SUMF1: variants seen among roughly 807,000 people sequenced by gnomAD.
The protein encoded by SUMF1 is sulfatase modifying factor 1, also known as formylglycine-generating enzyme.
In SUMF1, 48 loss-of-function variants were observed where a neutral mutation model predicts 47.6. The observed-to-expected ratio is 1.01, with a 90% CI of 0.80 to 1.28. The LOEUF (loss-of-function observed/expected upper bound fraction) is 1.28. SUMF1 is among the 50% of genes most tolerant of loss of function. The pLI is 0.00. For missense variants in SUMF1, 571 were observed against 485.4 expected, an observed-to-expected ratio of 1.18 and a Z score of -1.66; for synonymous variants, 230 against 192.1, an observed-to-expected ratio of 1.20 and a Z score of -1.63.
intron 8 of SUMF1, among the ~76,000 whole-genome samples, chr3:4,122,656 G>T (rs1405986901): frequency 6.6e-6 from 1 of 152,192 alleles, no homozygotes; most frequent in African/African-American, 2.4e-5. Flanking sequence ...AAGTCCTCAT[G>T]GCAGACATGG....
chr3:4,351,577 T>A (rs989933537), intron 8 of SUMF1, among the ~76,000 whole-genome samples: 1 of 152,190 alleles, frequency 6.6e-6, no homozygotes, highest in Non-Finnish European at 1.5e-5. Context: ...CTTTTGATCA[T>A]GTTTTCCAGT....
At chr3:4,224,832 T>C (rs1295159240) in intron 8 of SUMF1, among the ~76,000 whole-genome samples, 1 of 152,064 alleles carries the variant, frequency 6.6e-6, no homozygotes, top group East Asian at 1.9e-4. Flanking sequence ...GAATGAGAGA[T>C]AAGCAGGGAA....
intron 8 of SUMF1, among the ~76,000 whole-genome samples, chr3:4,244,818 C>G (rs948803123): frequency 2.6e-5 from 4 of 152,098 alleles, no homozygotes; most frequent in South Asian, 4.2e-4. Flanking sequence ...GGGAAGTTCT[C>G]CTGGATAATA....
chr3:4,353,151 A>G (rs1273308037), intron 8 of SUMF1, among the ~76,000 whole-genome samples: 1 of 152,254 alleles, frequency 6.6e-6, no homozygotes, highest in East Asian at 1.9e-4. Flanking sequence ...TGTATCCCAG[A>G]ACTTCAAGAG....
intron 8 of SUMF1, among the ~76,000 whole-genome samples, chr3:4,189,400 C>A (rs1011290889): frequency 6.6e-6 from 1 of 152,060 alleles, no homozygotes; most frequent in African/African-American, 2.4e-5. Flanking sequence ...AAAAGACAGG[C>A]ATGTTAATTA....
At chr3:4,193,084 A>G (rs966515455) in intron 8 of SUMF1, among the ~76,000 whole-genome samples, 4 of 152,136 alleles carry the variant, frequency 2.6e-5, no homozygotes, top group African/African-American at 9.7e-5. Context: ...TGTCTATTGC[A>G]GCACTGTCCA....
chr3:4,359,413 G>C (rs1391401705), downstream of SUMF1, among the ~76,000 whole-genome samples: 1 of 152,142 alleles, frequency 6.6e-6, no homozygotes, highest in African/African-American at 2.4e-5. Context: ...AAGTAGCTGG[G>C]ACTACAGGTA....
chr3:4,199,960 G>C (rs755658900), intron 8 of SUMF1, among the ~76,000 whole-genome samples: 10 of 151,808 alleles, frequency 6.6e-5, no homozygotes, highest in Non-Finnish European at 1.0e-4. Context: ...ATCTTTTGTA[G>C]AACACAAGTT....
intron 8 of SUMF1, among the ~76,000 whole-genome samples, chr3:4,203,892 C>T (rs1695593751): frequency 6.6e-6 from 1 of 151,602 alleles, no homozygotes; most frequent in African/African-American, 2.4e-5. Flanking sequence ...TAATTTCAAC[C>T]CCCTGCTTTT....
intron 1 of SUMF1, among the ~76,000 whole-genome samples, chr3:4,457,499 A>G (rs2079695348): frequency 6.6e-6 from 1 of 152,194 alleles, no homozygotes; most frequent in South Asian, 2.1e-4. Context: ...TTCAAAATAT[A>G]CTACAAACCT....
At chr3:4,278,566 A>G (rs1697464219) in intron 8 of SUMF1, among the ~76,000 whole-genome samples, 1 of 152,154 alleles carries the variant, frequency 6.6e-6, no homozygotes, top group Non-Finnish European at 1.5e-5. Flanking sequence ...ATAACAATCA[A>G]ATACGTCTAT....
chr3:4,183,246 G>C (rs1008722640), intron 8 of SUMF1, among the ~76,000 whole-genome samples: 3 of 152,054 alleles, frequency 2.0e-5, no homozygotes, highest in African/African-American at 7.2e-5. Flanking sequence ...GGGGAATTTT[G>C]AAATCACATC....
At chr3:4,363,645 G>T (rs548880082) in intron 8 of SUMF1, among the ~76,000 whole-genome samples, 304 of 150,776 alleles carry the variant, frequency 2.0e-3, no homozygotes, top group African/African-American at 7.3e-3. Context: ...GGGTTTTCTA[G>T]ATATACAATC....
intron 8 of SUMF1, among the ~76,000 whole-genome samples, chr3:4,375,217 A>G (rs997188582): frequency 1.3e-5 from 2 of 151,936 alleles, no homozygotes; most frequent in Non-Finnish European, 2.9e-5. Flanking sequence ...TAAAGCATCA[A>G]TTGAGCTCTG....
chr3:4,085,229 T>C (rs547407820), intron 8 of SUMF1, among the ~76,000 whole-genome samples: 1 of 152,198 alleles, frequency 6.6e-6, no homozygotes, highest in South Asian at 2.1e-4. Flanking sequence ...ATAAAATATA[T>C]GTGGCTGGGA....
intron 8 of SUMF1, among the ~76,000 whole-genome samples, chr3:4,333,527 A>G (rs1699089092): frequency 6.6e-6 from 1 of 152,126 alleles, no homozygotes; most frequent in South Asian, 2.1e-4. Context: ...CAGGTCCCCC[A>G]AAATTTCAAG....
chr3:4,186,486 A>T (rs939977721), intron 8 of SUMF1, among the ~76,000 whole-genome samples: 1 of 152,088 alleles, frequency 6.6e-6, no homozygotes, highest in African/African-American at 2.4e-5. Context: ...GGTAAGAAAT[A>T]ATTTAAGTAA....
At chr3:4,376,239 T>C in intron 8 of SUMF1, 91 bp downstream of exon 8, 1 of 1,468,472 alleles carries the variant, frequency 6.8e-7, no homozygotes. Context: ...TTTGCAGAAG[T>C]GAATGAGACA....
chr3:4,454,807 A>G (rs535997672), intron 1 of SUMF1, among the ~76,000 whole-genome samples: 3 of 152,364 alleles, frequency 2.0e-5, no homozygotes, highest in South Asian at 2.1e-4. Flanking sequence ...ATTAAGTGAA[A>G]GAATCCAATC....
Sources: gnomAD v4.1 joint callset for allele counts (sites outside exome capture counted in the v4.1 genomes callset) on GRCh38, gnomAD v4.1.1 for gene constraint, MANE v1.5 for transcripts, NCBI Gene and HGNC (gene_info 2026-07-23, HGNC 2026-07-21) for gene names.